The following LRIG2 variants were observed in gnomAD, a reference collection of about 807,000 sequenced individuals.
The protein encoded by LRIG2 is leucine rich repeats and immunoglobulin like domains 2.
A neutral mutation model predicts 107.8 loss-of-function variants in LRIG2; 93 were observed. The ratio of observed to expected loss-of-function variants is 0.86; its 90% confidence interval spans 0.73 to 1.03. The LOEUF (loss-of-function observed/expected upper bound fraction) is 1.03, where lower values mean the gene tolerates loss of function less well. Ranked by LOEUF, LRIG2 falls within the 50% of genes least tolerant of loss-of-function variation. The pLI, the probability that LRIG2 is intolerant of heterozygous loss-of-function variation, is 0.00. For synonymous variants in LRIG2, 471 were observed against 470.6 expected (o/e 1.00, Z -0.01); for missense variants, 1,226 against 1,296.0 (o/e 0.95, Z 0.83).
chr1:113,115,672 C>G (rs559221149), intron 15 of LRIG2, among the ~76,000 whole-genome samples: 2 of 151,926 alleles, frequency 1.3e-5, no homozygotes, highest in Non-Finnish European at 2.9e-5. Context: ...GGACTACAGG[C>G]GTGTGCCACC....
chr1:113,096,440 A>G (rs1027811309), intron 8 of LRIG2, 75 bp downstream of exon 8: 7 of 1,466,110 alleles, frequency 4.8e-6, no homozygotes, highest in Non-Finnish European at 6.5e-6. Context: ...AATTAAAACA[A>G]CTAATCAGTC....
In LRIG2 at chr1:113,112,378, AGG is replaced by A. The variant is rs1431147989; in HGVS notation, c.1799-97_1799-96del. On this transcript the variant is annotated intron_variant, in intron 13 of 17. Transcript: ENST00000361127. ...TGTCTTCACAAAGAAATGGAACATT[AGG>A]GGGTGTCTTGCCTACTAGATTCTTT... 4.1e-6 allele frequency: 4 copies of A among 969,126 alleles called. No individual in the cohort carries two copies. The South Asian group carries it at 6.7e-5, about 16-fold the overall frequency. The allele number at this position is 969,126 out of a possible 1,614,324, so 60.0% of individuals were successfully genotyped here.
chr1:113,100,749 T>C (rs941046039), intron 11 of LRIG2: 2 of 295,724 alleles, frequency 6.8e-6, no homozygotes, highest in Non-Finnish European at 1.3e-5. Context: ...TCAGCACTGC[T>C]CCTTATGCTT....
At chr1:113,122,950 C>A (rs990149438) in intron 17 of LRIG2, among the ~76,000 whole-genome samples, 2 of 152,066 alleles carry the variant, frequency 1.3e-5, no homozygotes, top group Non-Finnish European at 2.9e-5. Context: ...CTAAAATGTA[C>A]CCTATGAAGT....
chr1:113,094,512 A>G (rs1251147458), intron 5 of LRIG2, 30 bp downstream of exon 5: 1 of 1,582,780 alleles, frequency 6.3e-7, no homozygotes, highest in Non-Finnish European at 8.6e-7. Flanking sequence ...GATTATAAGA[A>G]GATAGTTTTT....
At chr1:113,111,041 G>GT (rs1654755179) in intron 13 of LRIG2, among the ~76,000 whole-genome samples, 1 of 151,528 alleles carries the variant, frequency 6.6e-6, no homozygotes, top group African/African-American at 2.4e-5. Flanking sequence ...AATTTCTCTT[G>GT]TTTTTTGTTT....
intron 6 of LRIG2, among the ~76,000 whole-genome samples, chr1:113,095,598 G>A (rs1452008172): frequency 6.6e-6 from 1 of 151,752 alleles, no homozygotes; most frequent in Non-Finnish European, 1.5e-5. Context: ...TAGTAGAGAT[G>A]GGGTTTTACC....
chr1:113,089,660 TACTGAAGGTGGATTGC>T (rs1465678813), intron 1 of LRIG2, among the ~76,000 whole-genome samples: 1 of 147,348 alleles, frequency 6.8e-6, no homozygotes, highest in Non-Finnish European at 1.5e-5. Context: ...AATTTCCTCT[TACTGAAGGTGGATTGC>T]TTTTTTTTTT....
In LRIG2 at chr1:113,096,264, CT is replaced by C. The variant is rs1326615116; in HGVS notation, c.993del (p.Phe331LeufsTer4). The C allele has an allele frequency of 6.2e-7, 1 of 1,614,012 alleles. No homozygotes were observed. Among genetic ancestry groups the C allele is most frequent in the African/African-American group, 1.3e-5 (1 of 74,920 alleles). ...NQLTRLDESA[F>X]VGLSLLERLN... is the part of the protein sequence containing the mutation. ...AGCTGACCCGCCTGGATGAATCTGC[CT>C]TTGTGGGTCTGAGCTTATTGGAGAG... On this transcript the variant is annotated frameshift_variant, in exon 8 of 18. Coordinates refer to ENST00000361127, the MANE Select transcript of LRIG2 (RefSeq NM_014813.3). LOFTEE classifies it high-confidence loss of function.
chr1:113,092,897 G>C (rs1296001221), intron 2 of LRIG2, among the ~76,000 whole-genome samples: 1 of 151,646 alleles, frequency 6.6e-6, no homozygotes, highest in Non-Finnish European at 1.5e-5. Flanking sequence ...ACTGAGGTAG[G>C]AGAATCACTT....
chr1:113,098,884 C>G (rs1654182883), intron 9 of LRIG2, 99 bp downstream of exon 9: 2 of 734,008 alleles, frequency 2.7e-6, no homozygotes, highest in Non-Finnish European at 4.6e-6. Context: ...GCTACAAAGT[C>G]TGAGCTTTCT....
chr1:113,073,361 T>C lies in LRIG2; in HGVS notation c.-46T>C, dbSNP rs769077622. On this transcript the variant is annotated 5_prime_UTR_variant, in exon 1 of 18. Coordinates refer to ENST00000361127, the MANE Select transcript of LRIG2 (RefSeq NM_014813.3). ...CTGAGCTTCTCCGCCGATCCTCCTT[T>C]TCTAGCAGGCAGCTCTTCTAGGCCA... 3 of 1,501,512 alleles carry C rather than the reference T, an allele frequency of 2.0e-6. No individual in the cohort carries two copies. Among genetic ancestry groups the C allele is most frequent in the Middle Eastern group, 3.5e-4 (2 of 5,746 alleles). The allele number at this position is 1,501,512 out of a possible 1,614,324, so 93.0% of individuals were successfully genotyped here. A position where few individuals can be genotyped will look rare whatever the true frequency, so the allele number is the denominator to read the frequency against.
At chr1:113,101,755 T>C (rs1654316296) in intron 11 of LRIG2, among the ~76,000 whole-genome samples, 2 of 152,218 alleles carry the variant, frequency 1.3e-5, no homozygotes, top group African/African-American at 4.8e-5. Context: ...CAGTTTCTTT[T>C]CCCAGAATGG....
chr1:113,095,736 T>G (rs1453421538), intron 6 of LRIG2, 138 bp from the exon 7 acceptor site: 3 of 756,308 alleles, frequency 4.0e-6, no homozygotes, highest in Non-Finnish European at 4.3e-6. Context: ...AGATATTCAT[T>G]TTTATTGAAT....
chr1:113,119,284 T>C lies in LRIG2; in HGVS notation c.2732T>C (p.Ile911Thr), dbSNP rs1570774555. 3 of 1,614,144 alleles carry C rather than the reference T, an allele frequency of 1.9e-6. 1 individual carries two copies. In the South Asian group the frequency reaches 3.3e-5, roughly 18 times the overall value. ...ICSDCYDNAN[I>T]YSRTREYCPY... is the part of the protein sequence containing the mutation. ...TCAGATTGTTATGACAATGCCAACA[T>C]CTACTCCAGGACCCGAGAATACTGT... Residue 911 changes from isoleucine (I) to threonine (T), a missense_variant, in exon 17 of 18, where the codon ATC (isoleucine) becomes ACC (threonine). Coordinates refer to ENST00000361127, the MANE Select transcript of LRIG2 (RefSeq NM_014813.3).
At chr1:113,094,194 C>G in intron 4 of LRIG2, 145 bp from the exon 5 acceptor site, 1 of 552,682 alleles carries the variant, frequency 1.8e-6, no homozygotes, top group Non-Finnish European at 3.1e-6. Context: ...GATGAAGAAA[C>G]AGAGCAGTTA....
chr1:113,076,971 A>G (rs1653006567), intron 1 of LRIG2, among the ~76,000 whole-genome samples: 1 of 152,218 alleles, frequency 6.6e-6, no homozygotes, highest in African/African-American at 2.4e-5. Context: ...TAACTTTGTT[A>G]GAACCCCTTT....
rs1655705353 is a variant in LRIG2 at position 113,131,692 on chromosome 1, CATTGACAAAAGTAACAAGTTTGGAACT to C, written c.*7593_*7619del. The C allele has an allele frequency of 6.6e-6, 1 of 151,950 alleles. No individual in the cohort carries two copies. The highest frequency in any genetic ancestry group is 1.5e-5 in the Non-Finnish European group (1 of 68,018). The allele number at this position is 151,950 out of a possible 1,614,324, so 9.4% of individuals were successfully genotyped here. On this transcript the variant is annotated 3_prime_UTR_variant, in exon 18 of 18. Transcript: ENST00000361127. The stretch of plus-strand genomic sequence containing the variant: ...TTCTTTTTTGGACAATTGTCTGGTT[CATTGACAAAAGTAACAAGTTTGGAACT>C]AAGAGATATGTTACAAGCTGCACTT...
At chr1:113,113,151 A>T (rs1357324045) in intron 14 of LRIG2, among the ~76,000 whole-genome samples, 1 of 150,604 alleles carries the variant, frequency 6.6e-6, no homozygotes, top group Non-Finnish European at 1.5e-5. Flanking sequence ...TTATTGCTTG[A>T]TAGGAACCTA....
Sources: gnomAD v4.1 joint callset for allele counts (sites outside exome capture counted in the v4.1 genomes callset) on GRCh38, gnomAD v4.1.1 for gene constraint, MANE v1.5 for transcripts, NCBI Gene and HGNC (gene_info 2026-07-23, HGNC 2026-07-21) for gene names.